The following MFAP3 variants were observed in gnomAD, a reference collection of about 807,000 sequenced individuals.
MFAP3 encodes the protein microfibril associated protein 3, also known as microfibril-associated glycoprotein 3.
In MFAP3, 8 loss-of-function variants were observed where a neutral mutation model predicts 20.5. The observed-to-expected ratio is 0.39, with a 90% CI of 0.23 to 0.70. The LOEUF is 0.70. MFAP3 is among the 30% of genes least tolerant of loss of function. The pLI is 0.44. For missense variants in MFAP3, 398 were observed against 444.6 expected, an observed-to-expected ratio of 0.90 and a Z score of 0.94; for synonymous variants, 140 against 154.0, an observed-to-expected ratio of 0.91 and a Z score of 0.67.
chr5:154,050,750 T>C (rs1773171814), intron 2 of MFAP3, among the ~76,000 whole-genome samples: 1 of 152,030 alleles, frequency 6.6e-6, no homozygotes, highest in Non-Finnish European at 1.5e-5. Context: ...GATTTTTATT[T>C]AATTTTCCTA....
rs1284169531 is a variant in MFAP3 at position 154,053,233 on chromosome 5, A to G, written c.609A>G (p.Ala203=). 2 of 1,613,890 alleles carry G rather than the reference A, an allele frequency of 1.2e-6. No homozygotes were observed. The highest frequency in any genetic ancestry group is 1.7e-6 in the Non-Finnish European group (2 of 1,179,942). Reference sequence around the variant, plus strand: ...AACTTCAGAAGGCCTTTGAGATTGCAAAACGTATCCCCATCATTACCTCAG... The same window carrying G: ...AACTTCAGAAGGCCTTTGAGATTGCGAAACGTATCCCCATCATTACCTCAG... ...AEKLQKAFEI[A]KRIPIITSAK... is the part of the protein sequence containing the mutation. The change falls in exon 3 of 3, where the codon GCA becomes GCG. Residue 203 remains alanine (A), a synonymous_variant. Transcript: ENST00000522782.
intron 1 of MFAP3, among the ~76,000 whole-genome samples, chr5:154,048,103 T>G (rs1027543514): frequency 6.6e-6 from 1 of 152,208 alleles, no homozygotes; most frequent in African/African-American, 2.4e-5. Context: ...ATTCTCCTAC[T>G]AACTTGTAGC....
chr5:154,051,561 A>G (rs955551878), intron 2 of MFAP3, among the ~76,000 whole-genome samples: 5 of 152,218 alleles, frequency 3.3e-5, no homozygotes, highest in South Asian at 2.1e-4. Context: ...TTGTAGTGCA[A>G]TGGTTGATGA....
chr5:154,039,544 G>C (rs1772856289), intron 1 of MFAP3, among the ~76,000 whole-genome samples: 1 of 152,208 alleles, frequency 6.6e-6, no homozygotes, highest in Non-Finnish European at 1.5e-5. Context: ...CCCAAATCTT[G>C]TAAGGCTTAT....
At chr5:154,049,092 A>G (rs1773123893) in intron 1 of MFAP3, among the ~76,000 whole-genome samples, 1 of 152,228 alleles carries the variant, frequency 6.6e-6, no homozygotes, top group Non-Finnish European at 1.5e-5. Flanking sequence ...GGTTATGATT[A>G]TGATATGCCA....
intron 1 of MFAP3, among the ~76,000 whole-genome samples, chr5:154,044,569 T>C (rs1176347947): frequency 6.6e-6 from 1 of 152,232 alleles, no homozygotes; most frequent in Non-Finnish European, 1.5e-5. Flanking sequence ...CTCTTTCTCT[T>C]GTGGCTCAAA....
In MFAP3 at chr5:154,053,403, G is replaced by T. The variant is rs532461219; in HGVS notation, c.779G>T (p.Arg260Leu). The T allele has an allele frequency of 6.2e-7, 1 of 1,613,978 alleles. No homozygotes were observed. The highest frequency in any genetic ancestry group is 1.1e-5 in the South Asian group (1 of 91,072). ...GTTGAGGAGATGTTTGAGGCTGTGC[G>T]AGTGGACGACCCTGATGACCTGGGT... ...AFVEEMFEAVRVDDPDDLGER... is the reference protein window; with the variant it reads ...AFVEEMFEAVLVDDPDDLGER... Residue 260 changes from arginine (R) to leucine (L), a missense_variant, in exon 3 of 3, where the codon CGA (arginine) becomes CTA (leucine). Transcript: ENST00000522782.
intron 1 of MFAP3, among the ~76,000 whole-genome samples, chr5:154,041,152 C>T (rs931873965): frequency 2.7e-5 from 4 of 150,942 alleles, no homozygotes; most frequent in Non-Finnish European, 5.9e-5. Flanking sequence ...AAAAACTCAT[C>T]TGACAAGAGG....
At position 154,057,366 on chromosome 5, in the gene MFAP3, A is replaced by G. The variant is rs1773356024; in HGVS notation, c.*3653A>G. Among the ~76,000 whole-genome samples the G allele has an allele frequency of 6.6e-6, 1 of 152,230 alleles. No individual in the cohort carries two copies. Among genetic ancestry groups the G allele is most frequent in the Non-Finnish European group, 1.5e-5 (1 of 68,042 alleles). ...TGTCAGCATTTTAATAAATACTTGC[A>G]TTATAATTTTGTCTCTTTTTTAAAG... On this transcript the variant is annotated 3_prime_UTR_variant, in exon 3 of 3. Transcript: ENST00000522782.
rs1773287786 is a variant in MFAP3 at position 154,054,706 on chromosome 5, C to T, written c.*993C>T. The T allele has an allele frequency of 1.2e-5, 2 of 167,062 alleles. No homozygotes were observed. Among genetic ancestry groups the T allele is most frequent in the Non-Finnish European group, 2.9e-5 (2 of 68,112 alleles). The allele number at this position is 167,062 out of a possible 1,614,324, so 10.3% of individuals were successfully genotyped here. Reference sequence around the variant, plus strand: ...TCTCATCCTAGGAGAAAACCCAAAACTGGATTCCTCTTAAGACCTCTGTCA... The same window carrying T: ...TCTCATCCTAGGAGAAAACCCAAAATTGGATTCCTCTTAAGACCTCTGTCA... On this transcript the variant is annotated 3_prime_UTR_variant, in exon 3 of 3. Coordinates refer to ENST00000522782, the MANE Select transcript of MFAP3 (RefSeq NM_005927.5).
In MFAP3 at chr5:154,053,541, A is replaced by G. The variant is rs1345100700; in HGVS notation, c.917A>G (p.Asn306Ser). 1 of 1,613,936 alleles carries G rather than the reference A, an allele frequency of 6.2e-7. No individual in the cohort carries two copies. Among genetic ancestry groups the G allele is most frequent in the African/African-American group, 1.3e-5 (1 of 75,052 alleles). The change falls in exon 3 of 3, where the codon AAT becomes AGT. Residue 306 changes from asparagine (N) to serine (S), a missense_variant. Coordinates refer to ENST00000522782, the MANE Select transcript of MFAP3 (RefSeq NM_005927.5). Reference protein sequence around the residue: ...PGGDSDDGSLNEQGQEIAVQV... With the variant: ...PGGDSDDGSLSEQGQEIAVQV... Reference sequence around the variant, plus strand: ...GGAGATTCAGATGATGGCTCTCTGAATGAACAAGGCCAGGAAATAGCAGTT... The same window carrying G: ...GGAGATTCAGATGATGGCTCTCTGAGTGAACAAGGCCAGGAAATAGCAGTT...
At chr5:154,052,407 C>T (rs1430535231) in intron 2 of MFAP3, among the ~76,000 whole-genome samples, 1 of 151,494 alleles carries the variant, frequency 6.6e-6, no homozygotes, top group Admixed American at 6.6e-5. Flanking sequence ...ATAATTTCTT[C>T]TTGTTATATA....
At chr5:154,050,427 T>G (rs690542) in intron 2 of MFAP3, among the ~76,000 whole-genome samples, 98,874 of 151,780 alleles carry the variant, frequency 0.65, 32,570 homozygotes, top group East Asian at 0.88. Context: ...ATCCAGAAGG[T>G]TTTTGGCTAG....
At chr5:154,042,150 A>G (rs1772968772) in intron 1 of MFAP3, among the ~76,000 whole-genome samples, 1 of 152,164 alleles carries the variant, frequency 6.6e-6, no homozygotes, top group Non-Finnish European at 1.5e-5. Flanking sequence ...TCTGAGGGTA[A>G]GAGGAGTTCT....
intron 1 of MFAP3, among the ~76,000 whole-genome samples, chr5:154,048,681 T>G (rs1367020074): frequency 2.0e-5 from 3 of 152,164 alleles, no homozygotes; most frequent in African/African-American, 7.2e-5. Context: ...AGGATGTTAT[T>G]TTGCCTTTTA....
At position 154,053,664 on chromosome 5, in the gene MFAP3, A is replaced by T; in HGVS notation, c.1040A>T (p.Glu347Val). 1 of 1,613,856 alleles carries T rather than the reference A, an allele frequency of 6.2e-7. No individual in the cohort carries two copies. The highest frequency in any genetic ancestry group is 8.5e-7 in the Non-Finnish European group (1 of 1,179,818). Residue 347 changes from glutamate to valine, a missense_variant, in exon 3 of 3, where the codon GAA becomes GTA. Transcript: ENST00000522782. ...CCACCTGATGATATAGGATCTGCAGAATCTAACTGTAACTACAAAGATGGG... is the reference window on the plus strand; with the variant it reads ...CCACCTGATGATATAGGATCTGCAGTATCTAACTGTAACTACAAAGATGGG... ...FSPPDDIGSA[E>V]SNCNYKDGAY...
At position 154,057,134 on chromosome 5, in the gene MFAP3, G is replaced by A. The variant is rs1773352327; in HGVS notation, c.*3421G>A. Among the ~76,000 whole-genome samples the A allele has an allele frequency of 6.6e-6, 1 of 152,104 alleles. No individual in the cohort carries two copies. Among genetic ancestry groups the A allele is most frequent in the Non-Finnish European group, 1.5e-5 (1 of 68,030 alleles). The stretch of plus-strand genomic sequence containing the variant: ...TTTTCTAGAGCCCAGCCAGTCATGG[G>A]TGCTAGCCTAGTCTCCACACACCAG... On this transcript the variant is annotated 3_prime_UTR_variant, in exon 3 of 3. Coordinates refer to ENST00000522782, the MANE Select transcript of MFAP3 (RefSeq NM_005927.5).
Position 154,049,672 on chromosome 5 carries a change from T to A in MFAP3, c.-51T>A. On this transcript the variant is annotated 5_prime_UTR_variant, in exon 2 of 3. Transcript: ENST00000522782. ...TACCCGCTGTGCTTTTGTTGTAGTG[T>A]AGAAGTTTTTGAGTTCTCCAAATCT... The A allele has an allele frequency of 6.4e-7, 1 of 1,552,920 alleles. No homozygotes were observed. Among genetic ancestry groups the A allele is most frequent in the Admixed American group, 1.8e-5 (1 of 55,380 alleles).
chr5:154,052,770 CT>C (rs1561591286), intron 2 of MFAP3, 149 bp from the exon 3 acceptor site: 3 of 682,300 alleles, frequency 4.4e-6, no homozygotes, highest in Non-Finnish European at 7.2e-6. Flanking sequence ...ACAGTCTGCC[CT>C]TTTTTTACAT....
Sources: allele counts gnomAD v4.1 joint callset (sites outside exome capture counted in the v4.1 genomes callset), GRCh38; gene constraint gnomAD v4.1.1; transcripts MANE v1.5; gene names NCBI Gene and HGNC (gene_info 2026-07-23, HGNC 2026-07-21).